RERE: variants seen among roughly 807,000 people sequenced by gnomAD.
The protein encoded by RERE is arginine-glutamic acid dipeptide repeats.
In RERE, 40 loss-of-function variants were observed where a neutral mutation model predicts 146.1. The observed-to-expected ratio is 0.27, with a 90% confidence interval of 0.21 to 0.36. The LOEUF (loss-of-function observed/expected upper bound fraction) is 0.36, where lower values mean the gene tolerates loss of function less well. Among genes scored for constraint, RERE ranks in the 10% least tolerant of loss-of-function variants. The pLI, the probability that RERE is intolerant of heterozygous loss-of-function variation, is 1.00. For synonymous variants in RERE, 1,003 were observed against 866.0 expected (o/e 1.16, Z -2.78); for missense variants, 1,933 against 2,138.7 (o/e 0.90, Z 1.90).
rs140743054 is a variant in RERE, at chr1:8,489,521, A to G, written c.1104+5542T>C. On this transcript the variant is annotated intron_variant, in intron 10 of 22. Transcript: ENST00000400908. ...ACAAATTTTTTTAAGTAAACAAACTATTTGAACAGAGGCTTCACAAAAAAA... is the reference window on the plus strand; with the variant it reads ...ACAAATTTTTTTAAGTAAACAAACTGTTTGAACAGAGGCTTCACAAAAAAA... Among the ~76,000 whole-genome samples the G allele has an allele frequency of 4.1e-3, 624 of 152,240 alleles. 4 individuals are homozygous for G. The highest frequency in any genetic ancestry group is 0.014 in the African/African-American group (597 of 41,546).
At chr1:8,484,428 C>CT (rs35564949) in intron 10 of RERE, among the ~76,000 whole-genome samples, 38,585 of 143,240 alleles carry the variant, frequency 0.27, 5,975 homozygotes, top group East Asian at 0.76. Context: ...ACAAATAAAA[C>CT]TTTTTTTTTT....
At chr1:8,470,060 T>C (rs1171937805) in intron 10 of RERE, among the ~76,000 whole-genome samples, 1 of 152,192 alleles carries the variant, frequency 6.6e-6, no homozygotes, top group African/African-American at 2.4e-5. Flanking sequence ...CTCTGTTCTC[T>C]ATATAATGGC....
At chr1:8,401,236 G>A (rs931670033) in intron 12 of RERE, among the ~76,000 whole-genome samples, 11 of 149,792 alleles carry the variant, frequency 7.3e-5, no homozygotes, top group African/African-American at 1.5e-4. Context: ...GTTATATTAC[G>A]TAGCAAACTG....
rs144448049 is a variant in RERE, at chr1:8,605,070, A to G, written c.522+9491T>C. ...AGTCAATATAACAATGTCTCTAACT[A>G]ATTTCAGTAAAGTGAAATCTACAGT... On this transcript the variant is annotated intron_variant, in intron 4 of 22. Coordinates refer to ENST00000400908, the MANE Select transcript of RERE (RefSeq NM_001042681.2). 3.9e-3 allele frequency among the ~76,000 whole-genome samples: 598 copies of G among 152,340 alleles called. 4 individuals carry two copies. The highest frequency in any genetic ancestry group is 6.1e-3 in the Non-Finnish European group (414 of 68,028).
chr1:8,793,262 G>A (rs1409122364), intron 1 of RERE, among the ~76,000 whole-genome samples: 1 of 151,956 alleles, frequency 6.6e-6, no homozygotes, highest in South Asian at 2.1e-4. Context: ...TGGGGCTGAG[G>A]CTCACCTTCA....
chr1:8,483,450 A>G, intron 10 of RERE, among the ~76,000 whole-genome samples: 1 of 152,252 alleles, frequency 6.6e-6, no homozygotes, highest in Admixed American at 6.5e-5. Flanking sequence ...GAACAAACAA[A>G]AAATCTGACA....
intron 1 of RERE, among the ~76,000 whole-genome samples, chr1:8,749,456 G>A (rs1453425725): frequency 6.6e-6 from 1 of 151,526 alleles, no homozygotes; most frequent in Non-Finnish European, 1.5e-5. Flanking sequence ...AGGTGATGTA[G>A]AGTAATGCGC....
chr1:8,764,912 G>A (rs1437414335), intron 1 of RERE, among the ~76,000 whole-genome samples: 2 of 152,324 alleles, frequency 1.3e-5, no homozygotes, highest in South Asian at 2.1e-4. Context: ...GTAACATGGT[G>A]TAGCCACTTT....
At chr1:8,740,566 C>T (rs1640287699) in intron 1 of RERE, among the ~76,000 whole-genome samples, 2 of 152,314 alleles carry the variant, frequency 1.3e-5, no homozygotes, top group South Asian at 2.1e-4. Flanking sequence ...TGACTCTTAA[C>T]AACTCAGCTT....
intron 12 of RERE, among the ~76,000 whole-genome samples, chr1:8,374,808 A>G (rs1264652292): frequency 6.6e-6 from 1 of 152,188 alleles, no homozygotes; most frequent in Non-Finnish European, 1.5e-5. Context: ...TATGTCAAAC[A>G]CAATGGCCAG....
At chr1:8,724,125 G>A (rs1197386840) in intron 1 of RERE, among the ~76,000 whole-genome samples, 2 of 152,048 alleles carry the variant, frequency 1.3e-5, no homozygotes, top group Non-Finnish European at 2.9e-5. Flanking sequence ...TATTTAAAAT[G>A]ATGTCATTTA....
At chr1:8,426,064 C>T (rs775816419) in intron 11 of RERE, among the ~76,000 whole-genome samples, 3 of 152,172 alleles carry the variant, frequency 2.0e-5, no homozygotes, top group African/African-American at 4.8e-5. Flanking sequence ...CAGGCGTCTA[C>T]AGTGGTAACT....
Position 8,360,241 on chromosome 1 carries a change from G to C in RERE, c.3266C>G (p.Pro1089Arg). 6.3e-7 allele frequency: 1 copy of C among 1,582,808 alleles called. No homozygotes were observed. The highest frequency in any genetic ancestry group is 8.6e-7 in the Non-Finnish European group (1 of 1,165,564). Reference sequence around the variant, plus strand: ...AGCCTCCTCCTTGATCTGGACGGTGGGGAGTGGGCAGGACGACCCCCCCGC... The same window carrying C: ...AGCCTCCTCCTTGATCTGGACGGTGCGGAGTGGGCAGGACGACCCCCCCGC... ...SIAGGSSCPL[P>R]TVQIKEEALD... Residue 1089 changes from proline to arginine, a missense_variant, in exon 18 of 23, where the codon CCC becomes CGC. Coordinates refer to ENST00000400908, the MANE Select transcript of RERE (RefSeq NM_001042681.2).
intron 4 of RERE, among the ~76,000 whole-genome samples, chr1:8,605,062 C>A (rs1271260772): frequency 1.3e-5 from 2 of 152,344 alleles, no homozygotes; most frequent in Admixed American, 6.5e-5. Flanking sequence ...ATAACAATGT[C>A]TCTAACTAAT....
intron 12 of RERE, among the ~76,000 whole-genome samples, chr1:8,396,185 G>A (rs1643049729): frequency 6.6e-6 from 1 of 152,194 alleles, no homozygotes; most frequent in Non-Finnish European, 1.5e-5. Context: ...TCAGGAAAGT[G>A]GGAGGGGGGA....
chr1:8,683,933 A>T (rs1639031494), intron 1 of RERE, among the ~76,000 whole-genome samples: 1 of 151,998 alleles, frequency 6.6e-6, no homozygotes, highest in African/African-American at 2.4e-5. Flanking sequence ...CAAGGGAGAA[A>T]CTCCATCTCA....
chr1:8,792,362 C>T (rs1641379047), intron 1 of RERE: 1 of 152,164 alleles, frequency 6.6e-6, no homozygotes, highest in African/African-American at 2.4e-5. Context: ...TTACGGGATC[C>T]TCTTATAATA....
intron 1 of RERE, among the ~76,000 whole-genome samples, chr1:8,746,154 A>AC (rs1303942826): frequency 6.6e-6 from 1 of 152,196 alleles, no homozygotes; most frequent in Non-Finnish European, 1.5e-5. Context: ...TCACAATCAG[A>AC]ATTATTTGTT....
chr1:8,481,750 A>C (rs1337578187), intron 10 of RERE, among the ~76,000 whole-genome samples: 5 of 152,228 alleles, frequency 3.3e-5, no homozygotes, highest in Non-Finnish European at 7.4e-5. Context: ...GGAAAAGCTC[A>C]GGGTGGGAAA....
Sources: gnomAD v4.1 joint callset for allele counts (sites outside exome capture counted in the v4.1 genomes callset) on GRCh38, gnomAD v4.1.1 for gene constraint, MANE v1.5 for transcripts, NCBI Gene and HGNC (gene_info 2026-07-23, HGNC 2026-07-21) for gene names.